Variants in PTPRQ observed in about 807,000 individuals in gnomAD.
PTPRQ encodes phosphatidylinositol phosphatase PTPRQ.
A neutral mutation model predicts 246.0 loss-of-function variants in PTPRQ; 199 were observed. The observed-to-expected ratio is 0.81, with a 90% CI of 0.72 to 0.91. PTPRQ has a LOEUF of 0.91. Among genes scored for constraint, PTPRQ ranks in the 40% least tolerant of loss-of-function variants. The pLI is 0.00. For synonymous variants in PTPRQ, 869 were observed against 853.2 expected (o/e 1.02, Z -0.32); for missense variants, 2,624 against 2,528.4 (o/e 1.04, Z -0.81).
chr12:80,560,328 G>A (rs2120915232), intron 25 of PTPRQ, among the ~76,000 whole-genome samples: 1 of 152,306 alleles, frequency 6.6e-6, no homozygotes, highest in South Asian at 2.1e-4. Flanking sequence ...CAAAGTCCAT[G>A]TATCAAATGA....
chr12:80,457,167 G>A (rs1488458004), intron 3 of PTPRQ, among the ~76,000 whole-genome samples: 1 of 151,816 alleles, frequency 6.6e-6, no homozygotes, highest in Admixed American at 6.6e-5. Context: ...GTATTTGTTT[G>A]CCTGATTAGA....
intron 35 of PTPRQ, 24 bp from the exon 36 acceptor site, chr12:80,648,873 C>A: frequency 6.6e-7 from 1 of 1,524,960 alleles, no homozygotes; most frequent in Non-Finnish European, 8.8e-7. Context: ...ACTCACAATG[C>A]ATTTAACACA....
chr12:80,479,891 C>T (rs1269770878), intron 8 of PTPRQ, among the ~76,000 whole-genome samples: 2 of 151,788 alleles, frequency 1.3e-5, no homozygotes, highest in Non-Finnish European at 2.9e-5. Flanking sequence ...GAGTGACCTA[C>T]AAAGAGACTT....
In PTPRQ at chr12:80,525,069, G is replaced by T. The variant is rs542040807; in HGVS notation, c.2679-8946G>T. ...GGCTTAATATTGGTCTGTGTTCATT[G>T]GTGGACTGTATCTATTATGACAGAA... On this transcript the variant is annotated intron_variant, in intron 17 of 44. Coordinates refer to ENST00000644991, the MANE Select transcript of PTPRQ (RefSeq NM_001145026.2). Among the ~76,000 whole-genome samples the T allele has an allele frequency of 1.9e-3, 288 of 152,240 alleles. 1 individual carries two copies. Among genetic ancestry groups the T allele is most frequent in the Non-Finnish European group, 3.1e-3 (212 of 68,010 alleles).
chr12:80,529,926 A>T (rs1895795686), intron 17 of PTPRQ, among the ~76,000 whole-genome samples: 1 of 152,222 alleles, frequency 6.6e-6, no homozygotes, highest in Admixed American at 6.5e-5. Context: ...GTTTCATCTC[A>T]GTTTGAAAAC....
At chr12:80,454,460 T>G in intron 3 of PTPRQ, 1 of 666,954 alleles carries the variant, frequency 1.5e-6, no homozygotes, top group Non-Finnish European at 2.7e-6. Flanking sequence ...GCCTTTTATT[T>G]CTTTCTCTTG....
chr12:80,445,676 C>A lies in PTPRQ; in HGVS notation c.349C>A (p.Leu117Ile). ...VRSKPDSLEV[L>I]LTNLNPGTTY... The stretch of plus-strand genomic sequence containing the variant: ...ATCAAAGCCAGACAGTCTGGAAGTT[C>A]TTCTTACTAATCTTAATCCTGGAAC... The change falls in exon 3 of 45, where the codon CTT becomes ATT. Residue 117 changes from leucine (L) to isoleucine (I), a missense_variant. Coordinates refer to ENST00000644991, the MANE Select transcript of PTPRQ (RefSeq NM_001145026.2). 1 of 1,549,210 alleles carries A rather than the reference C, an allele frequency of 6.5e-7. No individual in the cohort carries two copies. Among genetic ancestry groups the A allele is most frequent in the Admixed American group, 2.0e-5 (1 of 50,902 alleles).
intron 8 of PTPRQ, among the ~76,000 whole-genome samples, chr12:80,483,290 G>GTA: frequency 1.4e-5 from 2 of 141,742 alleles, no homozygotes; most frequent in Non-Finnish European, 3.1e-5. Context: ...AAAACCAAAC[G>GTA]CCGCATATTC....
intron 27 of PTPRQ, among the ~76,000 whole-genome samples, chr12:80,607,629 C>A (rs1898377204): frequency 6.6e-6 from 1 of 150,810 alleles, no homozygotes; most frequent in Non-Finnish European, 1.5e-5. Flanking sequence ...TATCAACATT[C>A]AAGAATCACT....
intron 25 of PTPRQ, among the ~76,000 whole-genome samples, chr12:80,576,286 C>T (rs1897278084): frequency 6.6e-6 from 1 of 151,952 alleles, no homozygotes; most frequent in African/African-American, 2.4e-5. Context: ...GGACTATAGG[C>T]ACGTGCCATC....
chr12:80,567,279 A>G (rs1897006658), intron 25 of PTPRQ, among the ~76,000 whole-genome samples: 1 of 152,238 alleles, frequency 6.6e-6, no homozygotes, highest in Non-Finnish European at 1.5e-5. Context: ...ATTTCTATAT[A>G]CATGCATAAC....
At chr12:80,581,250 A>C (rs1477675374) in intron 25 of PTPRQ, among the ~76,000 whole-genome samples, 1 of 152,228 alleles carries the variant, frequency 6.6e-6, no homozygotes, top group Non-Finnish European at 1.5e-5. Flanking sequence ...TAGATCTAAA[A>C]AAGAATAAAT....
chr12:80,581,706 T>A (rs1897442019), intron 25 of PTPRQ, among the ~76,000 whole-genome samples: 1 of 151,962 alleles, frequency 6.6e-6, no homozygotes, highest in South Asian at 2.1e-4. Flanking sequence ...AATAACAGAT[T>A]TGGAAAATAT....
intron 3 of PTPRQ, among the ~76,000 whole-genome samples, chr12:80,456,436 A>G (rs1444970086): frequency 1.3e-5 from 2 of 152,206 alleles, no homozygotes; most frequent in African/African-American, 2.4e-5. Context: ...TGAGTATTAT[A>G]TAATATAGGT....
At chr12:80,504,351 C>T (rs1158815643) in intron 14 of PTPRQ, among the ~76,000 whole-genome samples, 2 of 151,696 alleles carry the variant, frequency 1.3e-5, no homozygotes, top group Non-Finnish European at 2.9e-5. Context: ...ATCTTGTTCT[C>T]TTTCAAACTT....
At position 80,493,520 on chromosome 12, in the gene PTPRQ, G is replaced by A. The variant is rs1894517183; in HGVS notation, c.1540+65G>A. 6 of 1,460,876 alleles carry A rather than the reference G, an allele frequency of 4.1e-6. No individual in the cohort carries two copies. The East Asian group carries it at 1.5e-4, about 37-fold the overall frequency. The allele number at this position is 1,460,876 out of a possible 1,614,324, so 90.5% of individuals were successfully genotyped here. On this transcript the variant is annotated intron_variant, in intron 10 of 44. Coordinates refer to ENST00000644991, the MANE Select transcript of PTPRQ (RefSeq NM_001145026.2). ...CACCAGTGCTAGCTAGCACAGAAATGAACCTAAGCTTAGAGTTCAGCCATA... is the reference window on the plus strand; with the variant it reads ...CACCAGTGCTAGCTAGCACAGAAATAAACCTAAGCTTAGAGTTCAGCCATA...
intron 17 of PTPRQ, among the ~76,000 whole-genome samples, chr12:80,513,477 T>G (rs1241916040): frequency 6.6e-6 from 1 of 152,144 alleles, no homozygotes; most frequent in Non-Finnish European, 1.5e-5. Flanking sequence ...TCCAGCCGCT[T>G]GTGTGTGTGC....
chr12:80,526,192 G>C (rs1006359305), intron 17 of PTPRQ, among the ~76,000 whole-genome samples: 1 of 152,172 alleles, frequency 6.6e-6, no homozygotes, highest in Non-Finnish European at 1.5e-5. Flanking sequence ...TATGGAGACA[G>C]GGTATGAATT....
intron 23 of PTPRQ, among the ~76,000 whole-genome samples, chr12:80,544,615 C>T (rs866740889): frequency 6.6e-6 from 1 of 151,984 alleles, no homozygotes; most frequent in African/African-American, 2.4e-5. Context: ...ATCTTATTTG[C>T]TTTCAAATTC....
Sources: gnomAD v4.1 joint callset for allele counts (sites outside exome capture counted in the v4.1 genomes callset) on GRCh38, gnomAD v4.1.1 for gene constraint, MANE v1.5 for transcripts, NCBI Gene and HGNC (gene_info 2026-07-23, HGNC 2026-07-21) for gene names.